PHF21A: variants seen among roughly 807,000 people sequenced by gnomAD.
PHF21A encodes the protein BHC80a.
Under a neutral mutation model 82.5 loss-of-function variants are expected in PHF21A, and 11 were observed. The ratio of observed to expected loss-of-function variants is 0.13; its 90% CI spans 0.08 to 0.22. The LOEUF (loss-of-function observed/expected upper bound fraction) is 0.22, where lower values mean the gene tolerates loss of function less well. PHF21A is among the 10% of genes least tolerant of loss of function. PHF21A has a pLI of 1.00. For synonymous variants in PHF21A, 297 were observed against 302.8 expected, an observed-to-expected ratio of 0.98 and a Z score of 0.20; for missense variants, 579 against 837.8, an observed-to-expected ratio of 0.69 and a Z score of 3.81.
At chr11:45,938,857 A>G (rs2089738554) in intron 15 of PHF21A, among the ~76,000 whole-genome samples, 1 of 150,672 alleles carries the variant, frequency 6.6e-6, no homozygotes, top group Non-Finnish European at 1.5e-5. Flanking sequence ...TTTTTGAGAC[A>G]GAGTCTCGCT....
intron 1 of PHF21A, among the ~76,000 whole-genome samples, chr11:46,092,947 G>A (rs1305852783): frequency 6.6e-6 from 1 of 151,696 alleles, no homozygotes. Context: ...GTAGAGTCAG[G>A]CCTCACTGTG....
rs142744198 is a variant in PHF21A, at chr11:45,996,511, C to CAG, written c.154-16547_154-16546dup. Among the ~76,000 whole-genome samples, 5 of 151,100 alleles carry CAG rather than the reference C, an allele frequency of 3.3e-5. No homozygotes were observed. In the East Asian group the frequency reaches 5.8e-4, roughly 18 times the overall value. ...ATAAATGATTTCCCTTTTTGAGAGA[C>CAG]AGAGAGAGAGAGAGAAACGTATTCC... On this transcript the variant is annotated intron_variant, in intron 6 of 18. Transcript: ENST00000676320.
intron 6 of PHF21A, among the ~76,000 whole-genome samples, chr11:46,011,399 G>C (rs578075334): frequency 4.7e-4 from 72 of 152,238 alleles, no homozygotes; most frequent in African/African-American, 1.7e-3. Context: ...TGAGGCAGGA[G>C]AATCGCCTGA....
At chr11:46,019,216 A>T (rs949941551) in intron 6 of PHF21A, among the ~76,000 whole-genome samples, 1 of 152,086 alleles carries the variant, frequency 6.6e-6, no homozygotes, top group African/African-American at 2.4e-5. Flanking sequence ...CTGCTTTTTA[A>T]TTCTTTCTAG....
At chr11:46,107,226 T>C (rs2097161757) in intron 1 of PHF21A, among the ~76,000 whole-genome samples, 1 of 152,238 alleles carries the variant, frequency 6.6e-6, no homozygotes, top group Admixed American at 6.5e-5. Flanking sequence ...CTGGTAACCA[T>C]AATTTTTAAA....
At chr11:46,077,466 T>C (rs780610883) in intron 5 of PHF21A, among the ~76,000 whole-genome samples, 1 of 152,200 alleles carries the variant, frequency 6.6e-6, no homozygotes, top group African/African-American at 2.4e-5. Context: ...AGGCAAAAAA[T>C]TCCAAAATTA....
At chr11:45,952,577 ACTT>A (rs1402540016) in intron 11 of PHF21A, among the ~76,000 whole-genome samples, 1 of 152,224 alleles carries the variant, frequency 6.6e-6, no homozygotes, top group Non-Finnish European at 1.5e-5. Flanking sequence ...TGTGACTAGT[ACTT>A]CTTTTTGGCT....
At chr11:46,046,816 G>T (rs2096265879) in intron 6 of PHF21A, among the ~76,000 whole-genome samples, 2 of 152,228 alleles carry the variant, frequency 1.3e-5, no homozygotes, top group East Asian at 3.9e-4. Flanking sequence ...GGACAAACGA[G>T]AGTAGTTTCC....
chr11:46,120,727 A>G (rs947739610), intron 1 of PHF21A, among the ~76,000 whole-genome samples: 1 of 135,686 alleles, frequency 7.4e-6, no homozygotes, highest in African/African-American at 2.8e-5. Context: ...CCTCCCACAC[A>G]CCCCTCCCCT....
At chr11:45,944,071 G>C (rs973731236) in intron 15 of PHF21A, among the ~76,000 whole-genome samples, 2 of 152,188 alleles carry the variant, frequency 1.3e-5, no homozygotes, top group Admixed American at 1.3e-4. Flanking sequence ...GAGTAATCTT[G>C]AATTGGACCC....
At chr11:45,972,649 C>T (rs2093825398) in intron 7 of PHF21A, among the ~76,000 whole-genome samples, 1 of 152,100 alleles carries the variant, frequency 6.6e-6, no homozygotes, top group Non-Finnish European at 1.5e-5. Flanking sequence ...TGCGGTGGCT[C>T]GTGCCTGTAA....
chr11:46,030,841 G>A (rs1251464451), intron 6 of PHF21A, among the ~76,000 whole-genome samples: 1 of 70,966 alleles, frequency 1.4e-5, no homozygotes, highest in African/African-American at 6.9e-5. Context: ...GTGTGTGTGT[G>A]TGTGTGTGTG....
chr11:46,081,945 A>C (rs1429443314), intron 4 of PHF21A, among the ~76,000 whole-genome samples: 1 of 152,212 alleles, frequency 6.6e-6, no homozygotes, highest in Non-Finnish European at 1.5e-5. Flanking sequence ...AAAATTTGCT[A>C]ACTTCTGCTT....
rs543069415 is a variant in PHF21A at position 46,095,911 on chromosome 11, T to C, written c.-236-3688A>G. ...AGATAATTGTCATTCAAAGACACTT[T>C]AAAATGTCACCTTACCCAGAAGATT... On this transcript the variant is annotated intron_variant, in intron 1 of 18. Coordinates refer to ENST00000676320, the MANE Select transcript of PHF21A (RefSeq NM_001352027.3). 1.3e-4 allele frequency among the ~76,000 whole-genome samples: 20 copies of C among 152,298 alleles called. No homozygotes were observed. The East Asian group carries it at 3.5e-3, about 26-fold the overall frequency.
rs769425506 is a variant in PHF21A, at chr11:45,930,228, C to T, written c.*3740G>A. On this transcript the variant is annotated 3_prime_UTR_variant, in exon 19 of 19. Coordinates refer to ENST00000676320, the MANE Select transcript of PHF21A (RefSeq NM_001352027.3). ...GAAGTATCAGAGGTGGCTGGAGAGG[C>T]AGCCGTGCATGCGGAGACGGAAGCG... 1 of 152,322 alleles carries T rather than the reference C, an allele frequency of 6.6e-6. No individual in the cohort carries two copies. The highest frequency in any genetic ancestry group is 1.5e-5 in the Non-Finnish European group (1 of 68,116). The allele number at this position is 152,322 out of a possible 1,614,324, so 9.4% of individuals were successfully genotyped here.
At chr11:45,939,658 C>T (rs1219080226) in intron 15 of PHF21A, among the ~76,000 whole-genome samples, 3 of 151,702 alleles carry the variant, frequency 2.0e-5, no homozygotes, top group Admixed American at 6.6e-5. Flanking sequence ...CTCTCTACCA[C>T]CCCCATCACA....
chr11:45,971,419 A>C, intron 7 of PHF21A, 52 bp from the exon 8 acceptor site: 1 of 1,496,562 alleles, frequency 6.7e-7, no homozygotes, highest in South Asian at 1.2e-5. Context: ...ACTAAATAAT[A>C]AACTAAATCC....
At chr11:46,033,878 TATCTAGGAGGAG>T (rs2095922988) in intron 6 of PHF21A, among the ~76,000 whole-genome samples, 1 of 152,250 alleles carries the variant, frequency 6.6e-6, no homozygotes, top group African/African-American at 2.4e-5. Context: ...CTAGAGTATA[TATCTAGGAGGAG>T]AACTGGTGGG....
chr11:46,097,159 A>C (rs185146942), intron 1 of PHF21A, among the ~76,000 whole-genome samples: 2 of 152,110 alleles, frequency 1.3e-5, no homozygotes, highest in Admixed American at 1.3e-4. Flanking sequence ...GGCCTCCCCA[A>C]TTCTACCCTA....
Sources: allele counts gnomAD v4.1 joint callset (sites outside exome capture counted in the v4.1 genomes callset), GRCh38; gene constraint gnomAD v4.1.1; transcripts MANE v1.5; gene names NCBI Gene and HGNC (gene_info 2026-07-23, HGNC 2026-07-21).